Variants in MXD1 observed in about 807,000 individuals in gnomAD.
MXD1 encodes the protein MAX dimerization protein 1.
In MXD1, 9 loss-of-function variants were observed where a neutral mutation model predicts 25.7. The observed-to-expected ratio is 0.35, with a 90% CI of 0.21 to 0.61. The LOEUF (loss-of-function observed/expected upper bound fraction) is 0.61. Ranked by LOEUF, MXD1 falls within the 20% of genes least tolerant of loss-of-function variation. The probability of loss-of-function intolerance (pLI) is 0.75; values close to 1 mark genes in which losing one functional copy is unlikely to be tolerated. For synonymous variants in MXD1, 99 were observed against 113.9 expected, an observed-to-expected ratio of 0.87 and a Z score of 0.83; for missense variants, 227 against 292.4, an observed-to-expected ratio of 0.78 and a Z score of 1.63.
At position 69,942,603 on chromosome 2, in the gene MXD1, T is replaced by C. The variant is rs1372567371; in HGVS notation, c.*4319T>C. 1.3e-5 allele frequency: 2 copies of C among 152,238 alleles called. No homozygotes were observed. The highest frequency in any genetic ancestry group is 4.8e-5 in the African/African-American group (2 of 41,460). 9.4% of individuals were successfully genotyped at this position (152,238 alleles called of 1,614,324 possible). ...GAGGGAGCATTCTTCATTTTAGCTT[T>C]TACCTGACAACCAAACTTGCCTTTA... On this transcript the variant is annotated 3_prime_UTR_variant, in exon 6 of 6. Coordinates refer to ENST00000264444, the MANE Select transcript of MXD1 (RefSeq NM_002357.4).
intron 3 of MXD1, among the ~76,000 whole-genome samples, chr2:69,926,258 C>T (rs1677167724): frequency 6.6e-6 from 1 of 151,980 alleles, no homozygotes; most frequent in Non-Finnish European, 1.5e-5. Context: ...TTGTTTATGG[C>T]TAAGTCTCTT....
At chr2:69,924,750 CA>C (rs767872257) in intron 3 of MXD1, among the ~76,000 whole-genome samples, 28 of 129,208 alleles carry the variant, frequency 2.2e-4, no homozygotes, top group African/African-American at 4.9e-4. Flanking sequence ...CCATGGCTCT[CA>C]AAAAAAAAAG....
rs763817124 is a variant in MXD1, at chr2:69,938,164, T to C, written c.546T>C (p.Ser182=). 11 of 1,614,056 alleles carry C rather than the reference T, an allele frequency of 6.8e-6. No individual in the cohort carries two copies. Among genetic ancestry groups the C allele is most frequent in the Non-Finnish European group, 9.3e-6 (11 of 1,180,028 alleles). The change falls in exon 6 of 6, where the codon AGT becomes AGC. Residue 182 remains serine, a synonymous_variant. Coordinates refer to ENST00000264444, the MANE Select transcript of MXD1 (RefSeq NM_002357.4). ...GTGATCTGGACTGGAGCAGCAGCAG[T>C]GTGAGCGACTCTGACGAGCGGGGCA... ...LTGDLDWSSS[S]VSDSDERGSM... is the part of the protein sequence containing the mutation.
At chr2:69,928,217 T>G (rs1677208043) in intron 3 of MXD1, among the ~76,000 whole-genome samples, 1 of 152,220 alleles carries the variant, frequency 6.6e-6, no homozygotes, top group African/African-American at 2.4e-5. Flanking sequence ...AGATGCTATT[T>G]AATTGGGTAA....
chr2:69,922,902 G>C (rs1573401921), intron 3 of MXD1, among the ~76,000 whole-genome samples: 2 of 145,732 alleles, frequency 1.4e-5, no homozygotes, highest in South Asian at 4.3e-4. Flanking sequence ...AAAAAGTAGA[G>C]TGACTAATGT....
At chr2:69,917,743 G>A (rs1676986850) in intron 2 of MXD1, among the ~76,000 whole-genome samples, 1 of 150,058 alleles carries the variant, frequency 6.7e-6, no homozygotes, top group Admixed American at 6.6e-5. Context: ...AGGTGATTAG[G>A]AAAGAAAAAT....
chr2:69,919,647 T>TA, intron 2 of MXD1, among the ~76,000 whole-genome samples: 1 of 152,208 alleles, frequency 6.6e-6, no homozygotes, highest in South Asian at 2.1e-4. Flanking sequence ...TTCATCCATT[T>TA]AAAAAAATCT....
chr2:69,921,063 G>C (rs550859471), intron 2 of MXD1, among the ~76,000 whole-genome samples: 13 of 152,114 alleles, frequency 8.5e-5, no homozygotes, highest in Non-Finnish European at 1.6e-4. Flanking sequence ...CCAGTAACAG[G>C]ATGGTAAAGA....
At chr2:69,916,311 C>T in intron 2 of MXD1, 91 bp downstream of exon 2, 1 of 770,438 alleles carries the variant, frequency 1.3e-6, no homozygotes. Context: ...GATTATAACC[C>T]TATAAAATTA....
At chr2:69,922,436 A>G (rs1030013957) in intron 3 of MXD1, among the ~76,000 whole-genome samples, 1 of 152,238 alleles carries the variant, frequency 6.6e-6, no homozygotes, top group South Asian at 2.1e-4. Flanking sequence ...CTGGTTGCAC[A>G]TTAGAATCAC....
At chr2:69,931,839 AGGT>A (rs1159959814) in intron 3 of MXD1, among the ~76,000 whole-genome samples, 1 of 152,224 alleles carries the variant, frequency 6.6e-6, no homozygotes, top group Non-Finnish European at 1.5e-5. Flanking sequence ...AAGAGTCAGA[AGGT>A]GAAGTTTGTT....
At position 69,941,010 on chromosome 2, in the gene MXD1, T is replaced by C. The variant is rs1339440310; in HGVS notation, c.*2726T>C. 3 of 152,594 alleles carry C rather than the reference T, an allele frequency of 2.0e-5. No homozygotes were observed. Among genetic ancestry groups the C allele is most frequent in the Non-Finnish European group, 2.9e-5 (2 of 68,044 alleles). The allele number at this position is 152,594 out of a possible 1,614,324, so 9.5% of individuals were successfully genotyped here. A position where few individuals can be genotyped will look rare whatever the true frequency, so the allele number is the denominator to read the frequency against. ...TCTTTTTAAGCAAGATGAAAACCTT[T>C]CTATTAGGGATTTTGGGGTTGGGAG... On this transcript the variant is annotated 3_prime_UTR_variant, in exon 6 of 6. Coordinates refer to ENST00000264444, the MANE Select transcript of MXD1 (RefSeq NM_002357.4).
At chr2:69,925,539 G>A (rs1333005606) in intron 3 of MXD1, among the ~76,000 whole-genome samples, 1 of 152,058 alleles carries the variant, frequency 6.6e-6, no homozygotes, top group African/African-American at 2.4e-5. Flanking sequence ...TATCCATCTA[G>A]ACTTTTGTGT....
At chr2:69,928,941 T>G (rs576866012) in intron 3 of MXD1, among the ~76,000 whole-genome samples, 8 of 152,344 alleles carry the variant, frequency 5.3e-5, no homozygotes, top group South Asian at 2.1e-4. Context: ...TCACCCAGGC[T>G]GGAGTACAGT....
Position 69,941,231 on chromosome 2 carries a change from T to C in MXD1, c.*2947T>C, listed in dbSNP as rs1048701182. On this transcript the variant is annotated 3_prime_UTR_variant, in exon 6 of 6. Transcript: ENST00000264444. ...ATAAGAGTACGCAGTCTAATTTAAT[T>C]TCATGCAGTGGGAAAATATATATGT... The C allele has an allele frequency of 7.2e-5, 11 of 152,220 alleles. No individual in the cohort carries two copies. The highest frequency in any genetic ancestry group is 2.2e-4 in the African/African-American group (9 of 41,448). 9.4% of individuals were successfully genotyped at this position (152,220 alleles called of 1,614,324 possible).
At chr2:69,921,698 A>C (rs1341074315) in intron 2 of MXD1, 38 bp from the exon 3 acceptor site, 6 of 1,587,682 alleles carry the variant, frequency 3.8e-6, no homozygotes, top group Non-Finnish European at 1.7e-6. Flanking sequence ...CTTTAAGACA[A>C]AAATATCTTA....
In MXD1 at chr2:69,937,988, C is replaced by G. The variant is rs1266862277; in HGVS notation, c.479-109C>G. 4.1e-6 allele frequency: 4 copies of G among 986,444 alleles called. No homozygotes were observed. In the East Asian group the frequency reaches 1.0e-4, roughly 26 times the overall value. The allele number at this position is 986,444 out of a possible 1,614,324, so 61.1% of individuals were successfully genotyped here. A position where few individuals can be genotyped will look rare whatever the true frequency, so the allele number is the denominator to read the frequency against. On this transcript the variant is annotated intron_variant, in intron 5 of 5. Coordinates refer to ENST00000264444, the MANE Select transcript of MXD1 (RefSeq NM_002357.4). ...TCTCAAACTCCTAACCTCAAGTGAT[C>G]CACCCGCCTTTGCCTCCCAAAGTGC...
intron 3 of MXD1, among the ~76,000 whole-genome samples, chr2:69,931,018 CT>C (rs1377726461): frequency 6.6e-6 from 1 of 152,172 alleles, no homozygotes; most frequent in Non-Finnish European, 1.5e-5. Context: ...AACATTTACT[CT>C]TTTTTAAATA....
rs1677582913 is a variant in MXD1 at position 69,940,951 on chromosome 2, A to C, written c.*2667A>C. The C allele has an allele frequency of 6.6e-6, 1 of 152,602 alleles. No individual in the cohort carries two copies. The highest frequency in any genetic ancestry group is 2.1e-4 in the South Asian group (1 of 4,826). The allele number at this position is 152,602 out of a possible 1,614,324, so 9.5% of individuals were successfully genotyped here. On this transcript the variant is annotated 3_prime_UTR_variant, in exon 6 of 6. Coordinates refer to ENST00000264444, the MANE Select transcript of MXD1 (RefSeq NM_002357.4). The stretch of plus-strand genomic sequence containing the variant: ...TCTCATTCACTGATCCACCAGCCTG[A>C]CTGCTAAGAGCTATAGTCTTTTTAG...
Sources: allele counts gnomAD v4.1 joint callset (sites outside exome capture counted in the v4.1 genomes callset), GRCh38; gene constraint gnomAD v4.1.1; transcripts MANE v1.5; gene names NCBI Gene and HGNC (gene_info 2026-07-23, HGNC 2026-07-21).